PLCE1: variants seen among roughly 807,000 people sequenced by gnomAD.
PLCE1 encodes phospholipase C epsilon 1.
Under a neutral mutation model 242.8 loss-of-function variants are expected in PLCE1, and 119 were observed. The ratio of observed to expected loss-of-function variants is 0.49; its 90% CI spans 0.42 to 0.57. The LOEUF (loss-of-function observed/expected upper bound fraction) is 0.57, where lower values mean the gene tolerates loss of function less well. PLCE1 is among the 20% of genes least tolerant of loss of function. The pLI is 0.00. For missense variants in PLCE1, 2,441 were observed against 2,788.8 expected, an observed-to-expected ratio of 0.88 and a Z score of 2.81; for synonymous variants, 945 against 1,017.4, an observed-to-expected ratio of 0.93 and a Z score of 1.35.
At chr10:94,188,677 C>G (rs537526038) in intron 4 of PLCE1, among the ~76,000 whole-genome samples, 16 of 152,326 alleles carry the variant, frequency 1.1e-4, no homozygotes, top group Admixed American at 7.8e-4. Flanking sequence ...ACAATCTTGG[C>G]TCACTGCGAC....
chr10:94,095,625 C>T (rs2045280377), intron 2 of PLCE1, among the ~76,000 whole-genome samples: 1 of 152,084 alleles, frequency 6.6e-6, no homozygotes. Flanking sequence ...TGTCACCAGC[C>T]ACAGGGCCGC....
intron 22 of PLCE1, among the ~76,000 whole-genome samples, chr10:94,289,574 C>T (rs1036683384): frequency 2.0e-4 from 30 of 152,182 alleles, no homozygotes; most frequent in African/African-American, 7.2e-4. Flanking sequence ...TCCTAAGCTA[C>T]CAGCCTGTAC....
At chr10:94,132,949 C>CAAA (rs33967020) in intron 3 of PLCE1, among the ~76,000 whole-genome samples, 7 of 88,816 alleles carry the variant, frequency 7.9e-5, no homozygotes, top group African/African-American at 2.2e-4. Flanking sequence ...GACTCCATCT[C>CAAA]AAAAAAAAAA....
chr10:94,059,420 G>A (rs1394082084), intron 2 of PLCE1, among the ~76,000 whole-genome samples: 1 of 152,192 alleles, frequency 6.6e-6, no homozygotes, highest in African/African-American at 2.4e-5. Context: ...GATTGTTGAG[G>A]GAGAGGAAGA....
At chr10:94,115,593 C>T (rs368183198) in intron 2 of PLCE1, among the ~76,000 whole-genome samples, 5 of 152,188 alleles carry the variant, frequency 3.3e-5, no homozygotes, top group African/African-American at 7.2e-5. Flanking sequence ...TCATATCCTT[C>T]GCCCACTTGT....
chr10:94,147,716 A>G (rs1325983832), intron 3 of PLCE1, among the ~76,000 whole-genome samples: 2 of 152,186 alleles, frequency 1.3e-5, no homozygotes, highest in East Asian at 1.9e-4. Context: ...AGCAGCTAAG[A>G]ACCAAGCCCT....
intron 1 of PLCE1, among the ~76,000 whole-genome samples, chr10:94,025,494 T>C (rs1335726823): frequency 6.6e-6 from 1 of 152,196 alleles, no homozygotes; most frequent in Non-Finnish European, 1.5e-5. Flanking sequence ...TTTTTATAAT[T>C]ACCCTTGGTA....
chr10:94,259,244 A>G lies in PLCE1; in HGVS notation c.3814+94A>G. The G allele has an allele frequency of 4.9e-6, 6 of 1,234,134 alleles. No individual in the cohort carries two copies. The South Asian group carries it at 7.2e-5, about 15-fold the overall frequency. The allele number at this position is 1,234,134 out of a possible 1,614,324, so 76.4% of individuals were successfully genotyped here. On this transcript the variant is annotated intron_variant, in intron 13 of 32. Coordinates refer to ENST00000371380, the MANE Select transcript of PLCE1 (RefSeq NM_016341.4). The stretch of plus-strand genomic sequence containing the variant: ...CACACAAACTCTGAGCCTGTCCCAC[A>G]TAGTGTGCTATTACTGCTGTGTAGG...
chr10:94,206,348 G>A (rs1364793681), intron 4 of PLCE1, among the ~76,000 whole-genome samples: 1 of 151,904 alleles, frequency 6.6e-6, no homozygotes, highest in Non-Finnish European at 1.5e-5. Flanking sequence ...GACATGAAAG[G>A]AAGTGGCAAG....
intron 4 of PLCE1, among the ~76,000 whole-genome samples, chr10:94,219,937 G>A (rs1051215245): frequency 3.9e-5 from 6 of 151,928 alleles, no homozygotes; most frequent in Non-Finnish European, 5.9e-5. Context: ...GCTACCTTTG[G>A]GTACTTGCCT....
At chr10:94,024,797 A>G (rs1030541621) in intron 1 of PLCE1, among the ~76,000 whole-genome samples, 1 of 152,130 alleles carries the variant, frequency 6.6e-6, no homozygotes, top group Non-Finnish European at 1.5e-5. Context: ...ATTAGTGACT[A>G]TAACTTTCCC....
chr10:94,108,607 G>C (rs1025196766), intron 2 of PLCE1: 1 of 152,308 alleles, frequency 6.6e-6, no homozygotes, highest in Non-Finnish European at 1.5e-5. Context: ...TGGTAGTATT[G>C]GTGGTTGTAG....
chr10:94,291,226 C>T (rs1045522257), intron 22 of PLCE1, among the ~76,000 whole-genome samples: 2 of 152,050 alleles, frequency 1.3e-5, no homozygotes, highest in African/African-American at 2.4e-5. Context: ...TGGGCTCAAG[C>T]GATTCTCCTG....
intron 4 of PLCE1, among the ~76,000 whole-genome samples, chr10:94,185,894 C>G (rs1175039918): frequency 6.6e-6 from 1 of 152,240 alleles, no homozygotes; most frequent in African/African-American, 2.4e-5. Flanking sequence ...AATGTGGACT[C>G]ATGTCATTCA....
intron 20 of PLCE1, among the ~76,000 whole-genome samples, chr10:94,281,888 T>A (rs897100117): frequency 6.6e-6 from 1 of 151,848 alleles, no homozygotes; most frequent in Non-Finnish European, 1.5e-5. Context: ...CCACATGCCT[T>A]TGATTATTGT....
Position 94,247,103 on chromosome 10 carries a change from C to T in PLCE1, c.3096+482C>T, listed in dbSNP as rs185171253. Reference sequence around the variant, plus strand: ...TTCCAGCCTGGGCAACAGAGCAAGACTCTGTCTCAGGAAAAAAAAAAAAAA... The same window carrying T: ...TTCCAGCCTGGGCAACAGAGCAAGATTCTGTCTCAGGAAAAAAAAAAAAAA... On this transcript the variant is annotated intron_variant, in intron 8 of 32. Coordinates refer to ENST00000371380, the MANE Select transcript of PLCE1 (RefSeq NM_016341.4). Among the ~76,000 whole-genome samples, 49 of 131,404 alleles carry T rather than the reference C, an allele frequency of 3.7e-4. 1 individual carries two copies. The East Asian group carries it at 8.8e-3, about 23-fold the overall frequency. 86.2% of individuals were successfully genotyped at this position (131,404 alleles called of 152,430 possible). A position where few individuals can be genotyped will look rare whatever the true frequency, so the allele number is the denominator to read the frequency against.
intron 3 of PLCE1, among the ~76,000 whole-genome samples, chr10:94,162,794 G>A (rs1369951977): frequency 1.3e-5 from 2 of 152,120 alleles, no homozygotes; most frequent in African/African-American, 4.8e-5. Flanking sequence ...TGGGCATTTA[G>A]TGCTATATAT....
chr10:94,225,489 A>G (rs1297071618), intron 4 of PLCE1: 1 of 152,218 alleles, frequency 6.6e-6, no homozygotes, highest in Non-Finnish European at 1.5e-5. Context: ...CCTGGCCAAC[A>G]TGGTGAAACC....
At chr10:94,326,744 A>G (rs1461800880) in intron 32 of PLCE1, among the ~76,000 whole-genome samples, 1 of 152,158 alleles carries the variant, frequency 6.6e-6, no homozygotes, top group African/African-American at 2.4e-5. Flanking sequence ...TTTAGATTCT[A>G]TTGTCCTGTA....
Sources: allele counts gnomAD v4.1 joint callset (sites outside exome capture counted in the v4.1 genomes callset), GRCh38; gene constraint gnomAD v4.1.1; transcripts MANE v1.5; gene names NCBI Gene and HGNC (gene_info 2026-07-23, HGNC 2026-07-21).